DNAJC13: variants seen among roughly 807,000 people sequenced by gnomAD.
DNAJC13 encodes DnaJ heat shock protein family (Hsp40) member C13.
Under a neutral mutation model 290.5 loss-of-function variants are expected in DNAJC13, and 75 were observed. The observed-to-expected ratio is 0.26, with a 90% CI of 0.21 to 0.31. DNAJC13 has a LOEUF of 0.31. Ranked by LOEUF, DNAJC13 falls within the 10% of genes least tolerant of loss-of-function variation. The pLI is 1.00. For synonymous variants in DNAJC13, 862 were observed against 892.0 expected (o/e 0.97, Z 0.60); for missense variants, 2,260 against 2,674.5 (o/e 0.85, Z 3.42).
intron 33 of DNAJC13, among the ~76,000 whole-genome samples, chr3:132,493,059 T>C (rs1288665095): frequency 6.6e-6 from 1 of 152,006 alleles, no homozygotes; most frequent in Non-Finnish European, 1.5e-5. Context: ...AAACTTCAGT[T>C]CTCATCTCTA....
At chr3:132,457,169 T>G (rs1933630805) in intron 12 of DNAJC13, 100 bp from the exon 13 acceptor site, 1 of 817,972 alleles carries the variant, frequency 1.2e-6, no homozygotes, top group South Asian at 2.2e-5. Flanking sequence ...ACGTCATTGT[T>G]CCAGTAGTGC....
chr3:132,525,697 C>A lies in DNAJC13; in HGVS notation c.6148C>A (p.His2050Asn). ...GGCAGATCAGGTCCCGCCATTGGGC[C>A]ATCTTCCCAAAGTTATCCAGGCAAT... Reference protein sequence around the residue: ...QLADQVPPLGHLPKVIQAMNH... With the variant: ...QLADQVPPLGNLPKVIQAMNH... Residue 2050 changes from histidine to asparagine, a missense_variant, in exon 52 of 56, where the codon CAT becomes AAT. By Grantham distance (68) the His-to-Asn change is moderately conservative. Around this residue, in one of 3 missense-constraint regions of DNAJC13, gnomAD observed 1,494 missense variants for 1,693.7 expected, o/e 0.88. Coordinates refer to ENST00000260818, the MANE Select transcript of DNAJC13 (RefSeq NM_015268.4). The A allele has an allele frequency of 1.9e-6, 3 of 1,614,176 alleles. No homozygotes were observed. Among genetic ancestry groups the A allele is most frequent in the Non-Finnish European group, 2.5e-6 (3 of 1,180,022 alleles).
chr3:132,422,558 A>G (rs1166125522), intron 1 of DNAJC13, among the ~76,000 whole-genome samples: 2 of 152,232 alleles, frequency 1.3e-5, no homozygotes, highest in African/African-American at 4.8e-5. Context: ...TACCCAGCAT[A>G]TGCCAATTTA....
chr3:132,454,202 C>T (rs544590152), intron 9 of DNAJC13, 45 bp downstream of exon 9: 1 of 1,374,952 alleles, frequency 7.3e-7, no homozygotes, highest in Non-Finnish European at 1.0e-6. Flanking sequence ...TTGTGCAAGG[C>T]AAAGTGCTTG....
chr3:132,489,651 G>A (rs1015052849), intron 31 of DNAJC13, among the ~76,000 whole-genome samples: 1 of 151,792 alleles, frequency 6.6e-6, no homozygotes, highest in Admixed American at 6.6e-5. Flanking sequence ...AGCAGAATAA[G>A]AAACCAAAAC....
intron 45 of DNAJC13, 71 bp downstream of exon 45, chr3:132,513,170 G>A: frequency 7.8e-7 from 1 of 1,275,054 alleles, no homozygotes; most frequent in African/African-American, 1.5e-5. Context: ...GTCTCTATCA[G>A]TCATTGTCTG....
chr3:132,433,541 G>A (rs1939294563), intron 1 of DNAJC13, among the ~76,000 whole-genome samples: 1 of 152,168 alleles, frequency 6.6e-6, no homozygotes, highest in African/African-American at 2.4e-5. Context: ...CCTCAGAATG[G>A]CTGGGGTTAT....
At chr3:132,515,516 G>C (rs2107736233) in intron 46 of DNAJC13, among the ~76,000 whole-genome samples, 1 of 151,682 alleles carries the variant, frequency 6.6e-6, no homozygotes, top group East Asian at 2.0e-4. Context: ...TTTGCAGATT[G>C]TTTTTATCAT....
intron 29 of DNAJC13, among the ~76,000 whole-genome samples, chr3:132,485,119 A>G (rs963752744): frequency 2.6e-5 from 4 of 151,846 alleles, no homozygotes; most frequent in African/African-American, 9.7e-5. Flanking sequence ...TTTGAATTAC[A>G]TTCATTTCAC....
At chr3:132,471,255 A>C (rs1234194841) in intron 20 of DNAJC13, among the ~76,000 whole-genome samples, 6 of 106,188 alleles carry the variant, frequency 5.7e-5, no homozygotes, top group Admixed American at 1.0e-4. Flanking sequence ...TGACCCCCCC[A>C]CCTCCCTCCC....
chr3:132,470,530 G>T (rs1455013351), intron 20 of DNAJC13, among the ~76,000 whole-genome samples: 2 of 134,244 alleles, frequency 1.5e-5, no homozygotes, highest in African/African-American at 5.7e-5. Flanking sequence ...TGGTGGCCGG[G>T]CAGAGGGGCT....
Position 132,505,423 on chromosome 3 carries a change from A to G in DNAJC13, c.4998+8A>G, listed in dbSNP as rs755368189. 2.0e-6 allele frequency: 3 copies of G among 1,528,630 alleles called. No homozygotes were observed. In the Admixed American group the frequency reaches 5.3e-5, roughly 27 times the overall value. The allele number at this position is 1,528,630 out of a possible 1,614,324, so 94.7% of individuals were successfully genotyped here. A position where few individuals can be genotyped will look rare whatever the true frequency, so the allele number is the denominator to read the frequency against. On this transcript the variant is annotated splice_region_variant and intron_variant, in intron 42 of 55. Transcript: ENST00000260818. ...GAAAACATGATTAAAAAAGTATGTTATTGTTTTATAAATTTCTTGGGTAAT... is the reference window on the plus strand; with the variant it reads ...GAAAACATGATTAAAAAAGTATGTTGTTGTTTTATAAATTTCTTGGGTAAT...
intron 1 of DNAJC13, among the ~76,000 whole-genome samples, chr3:132,428,078 A>G (rs571904043): frequency 6.6e-6 from 1 of 152,314 alleles, no homozygotes; most frequent in Admixed American, 6.5e-5. Context: ...GAGGTATTCC[A>G]GGGTCTTCCC....
rs1295295810 is a variant in DNAJC13, at chr3:132,503,214, G to C, written c.4717G>C (p.Glu1573Gln). 1 of 1,612,474 alleles carries C rather than the reference G, an allele frequency of 6.2e-7. No individual in the cohort carries two copies. The highest frequency in any genetic ancestry group is 8.5e-7 in the Non-Finnish European group (1 of 1,179,402). The change falls in exon 41 of 56, where the codon GAG becomes CAG. Residue 1573 changes from glutamate (E) to glutamine (Q), a missense_variant and splice_region_variant. By Grantham distance (29) the Glu-to-Gln change is conservative. This residue lies in a region of DNAJC13 where 1,494 missense variants were observed against 1,693.7 expected (regional missense o/e 0.88). Coordinates refer to ENST00000260818, the MANE Select transcript of DNAJC13 (RefSeq NM_015268.4). ...AACAACTTAATTTTTTTTATAACAG[G>C]AGGTAGCAAACAGCCTTGCCAAACT... ...IQKSEETNQQEVANSLAKLSV... is the reference protein window; with the variant it reads ...IQKSEETNQQQVANSLAKLSV...
In DNAJC13 at chr3:132,491,022, T is replaced by C. The variant is rs61757222; in HGVS notation, c.3594T>C (p.Thr1198=). 6,739 of 1,610,638 alleles carry C rather than the reference T, an allele frequency of 4.2e-3. 30 individuals carry two copies. The highest frequency in any genetic ancestry group is 4.5e-3 in the Middle Eastern group (27 of 6,044). ...FSEIFLGEFD[T]PEAIWSSEMR... ...AGATTTTTCTAGGAGAATTTGATAC[T>C]CCAGAAGCAATCTGGAGCAGTGAAA... Residue 1198 remains threonine, a synonymous_variant, in exon 32 of 56, where the codon ACT becomes ACC. Coordinates refer to ENST00000260818, the MANE Select transcript of DNAJC13 (RefSeq NM_015268.4).
At position 132,478,068 on chromosome 3, in the gene DNAJC13, TG is replaced by T; in HGVS notation, c.2638del (p.Val880PhefsTer9). ...GTTTATGTTTACAAGCCCTTGCTATTGTTTATGGCAGATGTCACGAAGAAAT... is the reference window on the plus strand; with the variant it reads ...GTTTATGTTTACAAGCCCTTGCTATTTTTATGGCAGATGTCACGAAGAAAT... ...KCLCLQALAI[V>X]YGRCHEEIGP... is the part of the protein sequence containing the mutation. On this transcript the variant is annotated frameshift_variant, in exon 24 of 56. Transcript: ENST00000260818. LOFTEE classifies it high-confidence loss of function. 6.2e-7 allele frequency: 1 copy of T among 1,613,686 alleles called. No homozygotes were observed.
chr3:132,533,739 C>G (rs1936501444), intron 55 of DNAJC13, among the ~76,000 whole-genome samples: 1 of 152,184 alleles, frequency 6.6e-6, no homozygotes, highest in South Asian at 2.1e-4. Flanking sequence ...AAAGCCTCTT[C>G]TAATTCTTCT....
intron 38 of DNAJC13, among the ~76,000 whole-genome samples, chr3:132,500,020 A>G (rs1372175409): frequency 1.3e-5 from 2 of 152,208 alleles, no homozygotes; most frequent in East Asian, 1.9e-4. Flanking sequence ...TGGTCTGTGT[A>G]TCACACTGTA....
At chr3:132,454,024 T>A (rs1933504923) in intron 8 of DNAJC13, 42 bp from the exon 9 acceptor site, 1 of 1,437,528 alleles carries the variant, frequency 7.0e-7, no homozygotes, top group African/African-American at 1.4e-5. Flanking sequence ...TATAAAACTA[T>A]AAACTTTTTT....
Sources: gnomAD v4.1 joint callset for allele counts (sites outside exome capture counted in the v4.1 genomes callset) on GRCh38, gnomAD v4.1.1 for gene constraint, gnomAD v4.1.1 regional missense constraint, MANE v1.5 for transcripts, NCBI Gene and HGNC (gene_info 2026-07-23, HGNC 2026-07-21) for gene names.